STEAP1: variants seen among roughly 807,000 people sequenced by gnomAD.
STEAP1 encodes the protein STEAP1 protein.
Under a neutral mutation model 34.4 loss-of-function variants are expected in STEAP1, and 30 were observed. The observed-to-expected ratio is 0.87, with a 90% CI of 0.65 to 1.18. The LOEUF is 1.18. Ranked by LOEUF, STEAP1 falls within the 50% of genes most tolerant of loss-of-function variation. The probability of loss-of-function intolerance (pLI) is 0.00; values close to 1 mark genes in which losing one functional copy is unlikely to be tolerated. For synonymous variants in STEAP1, 116 were observed against 135.3 expected (o/e 0.86, Z 0.99); for missense variants, 318 against 391.1 (o/e 0.81, Z 1.58).
rs543974985 is a variant in STEAP1, at chr7:90,159,703, A to G, written c.-31-55A>G. On this transcript the variant is annotated intron_variant, in intron 1 of 4. Coordinates refer to ENST00000297205, the MANE Select transcript of STEAP1 (RefSeq NM_012449.3). ...GTAAATTTTTTATATTGTTACATCA[A>G]ACATTCACATCATAAGTAGAATGGA... is the stretch of plus-strand genomic sequence containing the variant. 6 of 993,760 alleles carry G rather than the reference A, an allele frequency of 6.0e-6. No individual in the cohort carries two copies. In the East Asian group the frequency reaches 1.2e-4, roughly 20 times the overall value. The allele number at this position is 993,760 out of a possible 1,614,324, so 61.6% of individuals were successfully genotyped here.
At chr7:90,160,646 A>G (rs977726037) in intron 2 of STEAP1, among the ~76,000 whole-genome samples, 159 bp from the exon 3 acceptor site, 2 of 150,988 alleles carry the variant, frequency 1.3e-5, no homozygotes, top group African/African-American at 4.9e-5. Context: ...TTTCAGTGCC[A>G]CATAGACTAT....
At chr7:90,163,069 A>T (rs766045661) in intron 4 of STEAP1, 13 of 395,728 alleles carry the variant, frequency 3.3e-5, no homozygotes, top group Non-Finnish European at 6.8e-5. Flanking sequence ...GAACACTGCC[A>T]ATTACCGTTT....
chr7:90,154,696 T>C (rs994222440), intron 1 of STEAP1, among the ~76,000 whole-genome samples, 153 bp downstream of exon 1: 7 of 152,138 alleles, frequency 4.6e-5, no homozygotes, highest in African/African-American at 1.7e-4. Context: ...GGGCGAGCGC[T>C]GCTCAATTCT....
At chr7:90,164,394 A>T in intron 4 of STEAP1, 83 bp from the exon 5 acceptor site, 1 of 1,418,220 alleles carries the variant, frequency 7.1e-7, no homozygotes. Context: ...AGGATTTCCA[A>T]GCAACAGAGC....
At position 90,162,209 on chromosome 7, in the gene STEAP1, T is replaced by A. The variant is rs1026673185; in HGVS notation, c.762+131T>A. On this transcript the variant is annotated intron_variant, in intron 4 of 4. Transcript: ENST00000297205. ...GCAAAGATCTTATACTTGTTCCAAT[T>A]AATAATGTGCTCTCCTGTTGTTTTC... 3.3e-5 allele frequency: 44 copies of A among 1,341,130 alleles called. No individual in the cohort carries two copies. In the African/African-American group the frequency reaches 5.6e-4, roughly 17 times the overall value. 83.1% of individuals were successfully genotyped at this position (1,341,130 alleles called of 1,614,324 possible).
rs1423584322 is a variant in STEAP1 at position 90,159,760 on chromosome 7, G to A, written c.-29G>A. 4.2e-6 allele frequency: 6 copies of A among 1,413,428 alleles called. No individual in the cohort carries two copies. The highest frequency in any genetic ancestry group is 5.7e-6 in the Non-Finnish European group (6 of 1,060,008). 87.6% of individuals were successfully genotyped at this position (1,413,428 alleles called of 1,614,324 possible). ...AGTAATTATTTTTATTTTTACAGGTGGCTGAAGCCATACTATTTTATAGAA... is the reference window on the plus strand; with the variant it reads ...AGTAATTATTTTTATTTTTACAGGTAGCTGAAGCCATACTATTTTATAGAA... On this transcript the variant is annotated splice_region_variant and 5_prime_UTR_variant, in exon 2 of 5. Transcript: ENST00000297205.
intron 1 of STEAP1, among the ~76,000 whole-genome samples, chr7:90,157,265 G>A (rs1794128974): frequency 6.6e-6 from 1 of 152,160 alleles, no homozygotes; most frequent in Non-Finnish European, 1.5e-5. Context: ...ATGCCGCCAG[G>A]ACTCTTCTGT....
At chr7:90,164,052 G>A (rs1263885783) in intron 4 of STEAP1, among the ~76,000 whole-genome samples, 2 of 152,122 alleles carry the variant, frequency 1.3e-5, no homozygotes, top group African/African-American at 2.4e-5. Context: ...AATCTAAAAT[G>A]TACAAATCAT....
intron 1 of STEAP1, 76 bp from the exon 2 acceptor site, chr7:90,159,682 A>T: frequency 1.2e-6 from 1 of 812,744 alleles, no homozygotes; most frequent in Non-Finnish European, 1.7e-6. Context: ...AAGTAAGTAA[A>T]TTTTTTATAT....
chr7:90,154,583 C>G (rs1379186907), intron 1 of STEAP1, 40 bp downstream of exon 1: 1 of 152,976 alleles, frequency 6.5e-6, no homozygotes, highest in East Asian at 1.9e-4. Flanking sequence ...GTTTGCTCCT[C>G]GAGTCCGCCC....
chr7:90,156,452 C>T (rs1373289584), intron 1 of STEAP1, among the ~76,000 whole-genome samples: 3 of 152,218 alleles, frequency 2.0e-5, no homozygotes, highest in African/African-American at 4.8e-5. Context: ...TACCCAACCC[C>T]GTGGCCGCAG....
intron 1 of STEAP1, among the ~76,000 whole-genome samples, chr7:90,156,707 C>T (rs1306881897): frequency 6.6e-6 from 1 of 152,218 alleles, no homozygotes; most frequent in Non-Finnish European, 1.5e-5. Flanking sequence ...ACCCTATCCC[C>T]CTTCCCCTAC....
At chr7:90,164,178 T>C (rs1794220013) in intron 4 of STEAP1, among the ~76,000 whole-genome samples, 1 of 152,044 alleles carries the variant, frequency 6.6e-6, no homozygotes, top group South Asian at 2.1e-4. Context: ...AAAATAAATA[T>C]CATAAGGGGA....
At chr7:90,160,269 C>G (rs1308812524) in intron 2 of STEAP1, among the ~76,000 whole-genome samples, 1 of 151,630 alleles carries the variant, frequency 6.6e-6, no homozygotes, top group Non-Finnish European at 1.5e-5. Flanking sequence ...TTGTCATAGA[C>G]ACAGTGGCAG....
rs770042356 is a variant in STEAP1 at position 90,161,214 on chromosome 7, G to A, written c.494G>A (p.Gly165Glu). 6.8e-6 allele frequency: 11 copies of A among 1,614,028 alleles called. No homozygotes were observed. In the Admixed American group the frequency reaches 1.7e-4, roughly 24 times the overall value. Residue 165 changes from glycine to glutamate, a missense_variant, in exon 3 of 5, where the codon GGG becomes GAG. By Grantham distance (98) the Gly-to-Glu change is moderately conservative. Transcript: ENST00000297205. ...TGGATGTTAACAAGAAAGCAGTTTG[G>A]GCTTCTCAGTTTCTTTTTTGCTGTA... ...DKWMLTRKQF[G>E]LLSFFFAVLH... is the part of the protein sequence containing the mutation.
Position 90,161,266 on chromosome 7 carries a change from C to A in STEAP1, c.546C>A (p.Tyr182Ter). 1 of 1,614,094 alleles carries A rather than the reference C, an allele frequency of 6.2e-7. No individual in the cohort carries two copies. The highest frequency in any genetic ancestry group is 1.3e-5 in the African/African-American group (1 of 75,024). ...TGCATGCAATTTATAGTCTGTCTTA[C>A]CCAATGAGGCGATCCTACAGATACA... ...AVLHAIYSLS[Y>*]PMRRSYRYKL... Residue 182 changes from tyrosine to a stop codon, truncating the protein, a stop_gained, in exon 3 of 5, where the codon TAC becomes TAA. Coordinates refer to ENST00000297205, the MANE Select transcript of STEAP1 (RefSeq NM_012449.3). LOFTEE classifies it high-confidence loss of function.
At chr7:90,160,041 G>C (rs972221844) in intron 2 of STEAP1, among the ~76,000 whole-genome samples, 169 bp downstream of exon 2, 1 of 152,150 alleles carries the variant, frequency 6.6e-6, no homozygotes, top group Non-Finnish European at 1.5e-5. Context: ...TAGCATATGT[G>C]AGAGACATAG....
rs573889166 is a variant in STEAP1 at position 90,164,644 on chromosome 7, G to C, written c.930G>C (p.Leu310=). 9 of 1,613,702 alleles carry C rather than the reference G, an allele frequency of 5.6e-6. No homozygotes were observed. In the African/African-American group the frequency reaches 6.7e-5, roughly 12 times the overall value. ...VVLIFKSILF[L]PCLRKKILKI... ...TGATATTTAAAAGCATACTATTCCT[G>C]CCATGCTTGAGGAAGAAGATACTGA... is the stretch of plus-strand genomic sequence containing the variant. Residue 310 remains leucine, a synonymous_variant, in exon 5 of 5, where the codon CTG becomes CTC. Transcript: ENST00000297205.
intron 4 of STEAP1, among the ~76,000 whole-genome samples, chr7:90,162,462 G>T (rs1584194296): frequency 1.3e-5 from 2 of 151,894 alleles, no homozygotes; most frequent in East Asian, 3.9e-4. Context: ...CTGAGTAGCT[G>T]GGATTACAGG....
Sources: allele counts gnomAD v4.1 joint callset (sites outside exome capture counted in the v4.1 genomes callset), GRCh38; gene constraint gnomAD v4.1.1; transcripts MANE v1.5; gene names NCBI Gene and HGNC (gene_info 2026-07-23, HGNC 2026-07-21).